B3GALT1: variants seen among roughly 807,000 people sequenced by gnomAD.
The protein encoded by B3GALT1 is UDP-Gal:betaGlcNAc beta 1,3-galactosyltransferase, polypeptide 1.
A neutral mutation model predicts 23.2 loss-of-function variants in B3GALT1; 10 were observed. The observed-to-expected ratio is 0.43, with a 90% CI of 0.27 to 0.73. The LOEUF (loss-of-function observed/expected upper bound fraction) is 0.73, where lower values mean the gene tolerates loss of function less well. Ranked by LOEUF, B3GALT1 falls within the 30% of genes least tolerant of loss-of-function variation. The probability of loss-of-function intolerance (pLI) is 0.21; values close to 1 mark genes in which losing one functional copy is unlikely to be tolerated. For missense variants in B3GALT1, 299 were observed against 405.4 expected, an observed-to-expected ratio of 0.74 and a Z score of 2.25; for synonymous variants, 156 against 141.5, an observed-to-expected ratio of 1.10 and a Z score of -0.73.
intron 2 of B3GALT1, among the ~76,000 whole-genome samples, chr2:167,507,342 T>TA (rs767417070): frequency 6.6e-6 from 1 of 151,042 alleles, no homozygotes; most frequent in African/African-American, 2.4e-5. Context: ...CCATCTCTAC[T>TA]AAAAAAATAC....
intron 2 of B3GALT1, among the ~76,000 whole-genome samples, chr2:167,509,168 A>G (rs1185672189): frequency 3.3e-5 from 5 of 152,242 alleles, no homozygotes; most frequent in Non-Finnish European, 1.5e-5. Context: ...TTACTAAGCA[A>G]TAGTAGAAAG....
chr2:167,563,101 T>TC (rs564289919), intron 2 of B3GALT1, among the ~76,000 whole-genome samples: 4 of 149,838 alleles, frequency 2.7e-5, no homozygotes, highest in South Asian at 2.1e-4. Context: ...TCCCCACCTT[T>TC]CCCCCCCTTC....
chr2:167,437,203 C>T (rs897004079), intron 1 of B3GALT1, among the ~76,000 whole-genome samples: 1 of 152,086 alleles, frequency 6.6e-6, no homozygotes, highest in Non-Finnish European at 1.5e-5. Context: ...CTCATTTAGT[C>T]TGGTAGGGTA....
chr2:167,621,329 T>C (rs1397449803), intron 2 of B3GALT1, among the ~76,000 whole-genome samples: 1 of 151,930 alleles, frequency 6.6e-6, no homozygotes, highest in Non-Finnish European at 1.5e-5. Flanking sequence ...CTAGTGATCC[T>C]TCCACCTCAG....
At position 167,359,206 on chromosome 2, in the gene B3GALT1, A is replaced by G. The variant is rs557433109; in HGVS notation, c.-511+65872A>G. On this transcript the variant is annotated intron_variant, in intron 1 of 4. Transcript: ENST00000392690. ...CCTTGTAAATTTAAAAAAAAAGCTC[A>G]AAAATTTTGTTGTCATTGCCATTAG... Among the ~76,000 whole-genome samples, 22 of 152,358 alleles carry G rather than the reference A, an allele frequency of 1.4e-4. 1 individual carries two copies. The highest frequency in any genetic ancestry group is 1.0e-3 in the South Asian group (5 of 4,822).
intron 2 of B3GALT1, among the ~76,000 whole-genome samples, chr2:167,509,134 A>G (rs1259752788): frequency 2.0e-5 from 3 of 152,226 alleles, no homozygotes; most frequent in African/African-American, 7.2e-5. Flanking sequence ...GAAAGATTTA[A>G]TAGCATTCTT....
intron 1 of B3GALT1, among the ~76,000 whole-genome samples, chr2:167,452,269 C>T (rs1036401669): frequency 6.6e-6 from 1 of 152,198 alleles, no homozygotes; most frequent in African/African-American, 2.4e-5. Flanking sequence ...GTTTCCTTCT[C>T]TCTGTGGTCT....
chr2:167,566,481 C>G (rs1684169842), intron 2 of B3GALT1, among the ~76,000 whole-genome samples: 2 of 150,772 alleles, frequency 1.3e-5, no homozygotes, highest in Admixed American at 1.3e-4. Flanking sequence ...TGCACATGTA[C>G]CCTAAAACTT....
intron 1 of B3GALT1, among the ~76,000 whole-genome samples, chr2:167,464,148 A>C (rs1246632729): frequency 6.6e-6 from 1 of 152,060 alleles, no homozygotes; most frequent in East Asian, 1.9e-4. Context: ...AAAAACCAAG[A>C]ATCCTGTGCA....
chr2:167,860,787 A>C (rs2105430677), intron 4 of B3GALT1, among the ~76,000 whole-genome samples: 1 of 152,184 alleles, frequency 6.6e-6, no homozygotes, highest in East Asian at 1.9e-4. Flanking sequence ...AGAGAAAACA[A>C]GTTGGCAGGA....
At chr2:167,412,744 CAAAA>C (rs1219635170) in intron 1 of B3GALT1, among the ~76,000 whole-genome samples, 3 of 152,078 alleles carry the variant, frequency 2.0e-5, no homozygotes, top group South Asian at 2.1e-4. Context: ...ATTATAGAGA[CAAAA>C]TAAATGTGTA....
At chr2:167,639,210 G>A (rs537276464) in intron 2 of B3GALT1, among the ~76,000 whole-genome samples, 4 of 152,042 alleles carry the variant, frequency 2.6e-5, no homozygotes, top group African/African-American at 4.8e-5. Context: ...AGCATGGGTC[G>A]TTAAGACATA....
chr2:167,715,893 A>C, intron 3 of B3GALT1: 2 of 1,613,714 alleles, frequency 1.2e-6, no homozygotes, highest in Non-Finnish European at 1.7e-6. Context: ...TCTCCACAAA[A>C]AAAGGAGAAC....
At chr2:167,551,062 G>A (rs149897494) in intron 2 of B3GALT1, among the ~76,000 whole-genome samples, 50 of 133,672 alleles carry the variant, frequency 3.7e-4, no homozygotes, top group Non-Finnish European at 6.4e-4. Flanking sequence ...GGATTGCCCA[G>A]GACATTGTAT....
intron 2 of B3GALT1, among the ~76,000 whole-genome samples, chr2:167,583,818 T>C (rs571331829): frequency 2.0e-5 from 3 of 152,240 alleles, no homozygotes; most frequent in Non-Finnish European, 4.4e-5. Flanking sequence ...TTCTGACTAA[T>C]GAAATTCTGC....
chr2:167,666,391 AGGTGT>A (rs1348810296), intron 3 of B3GALT1, among the ~76,000 whole-genome samples: 1 of 152,086 alleles, frequency 6.6e-6, no homozygotes, highest in Admixed American at 6.5e-5. Flanking sequence ...ATTTTGGAAT[AGGTGT>A]GGTGTGGTGC....
At chr2:167,321,324 T>G (rs1696807368) in intron 1 of B3GALT1, among the ~76,000 whole-genome samples, 1 of 152,110 alleles carries the variant, frequency 6.6e-6, no homozygotes, top group East Asian at 1.9e-4. Flanking sequence ...TAGAAAACAG[T>G]TCCAGCATAT....
intron 3 of B3GALT1, chr2:167,715,521 AT>A: frequency 6.2e-7 from 1 of 1,613,178 alleles, no homozygotes; most frequent in East Asian, 2.2e-5. Context: ...GATTTGAGGG[AT>A]TTTGACTCAT....
chr2:167,582,870 A>C (rs1000340424), intron 2 of B3GALT1, among the ~76,000 whole-genome samples: 1 of 152,180 alleles, frequency 6.6e-6, no homozygotes, highest in South Asian at 2.1e-4. Context: ...TCTGTCTCAC[A>C]CTCATGTTGA....
Sources: allele counts gnomAD v4.1 joint callset (sites outside exome capture counted in the v4.1 genomes callset), GRCh38; gene constraint gnomAD v4.1.1; transcripts MANE v1.5; gene names NCBI Gene and HGNC (gene_info 2026-07-23, HGNC 2026-07-21).